ATXN2: variants seen among roughly 807,000 people sequenced by gnomAD.
ATXN2 encodes ataxin 2.
In ATXN2, 37 loss-of-function variants were observed where a neutral mutation model predicts 138.6. The observed-to-expected ratio is 0.27, with a 90% confidence interval of 0.21 to 0.35. The LOEUF (loss-of-function observed/expected upper bound fraction) is 0.35, where lower values mean the gene tolerates loss of function less well. Ranked by LOEUF, ATXN2 falls within the 10% of genes least tolerant of loss-of-function variation. The pLI is 1.00. For missense variants in ATXN2, 1,216 were observed against 1,480.3 expected, an observed-to-expected ratio of 0.82 and a Z score of 2.93; for synonymous variants, 549 against 543.7, an observed-to-expected ratio of 1.01 and a Z score of -0.13.
At chr12:111,599,660 G>C, upstream of ATXN2, 3 of 1,080,772 alleles carry the variant, frequency 2.8e-6, no homozygotes, top group Non-Finnish European at 3.4e-6. Context: ...GGCGCGCTGG[G>C]TTGCTTTCTC....
intron 1 of ATXN2, among the ~76,000 whole-genome samples, chr12:111,575,220 C>T (rs1042643336): frequency 2.6e-5 from 4 of 151,942 alleles, no homozygotes; most frequent in Admixed American, 6.6e-5. Flanking sequence ...TACCAGACTG[C>T]TGATAAGAGG....
chr12:111,599,301 A>AG lies in ATXN2; in HGVS notation c.-268dup. On this transcript the variant is annotated 5_prime_UTR_variant, in exon 1 of 25. Coordinates refer to ENST00000673436, the MANE Select transcript of ATXN2 (RefSeq NM_001372574.1). Reference sequence around the variant, plus strand: ...TTGCTACCAAAACAGTCTGAGGCGGAGGGAGGCGAGCTCTGCCGGGAGGGA... The same window carrying AG: ...TTGCTACCAAAACAGTCTGAGGCGGAGGGGAGGCGAGCTCTGCCGGGAGGGA... 2 of 876,722 alleles carry AG rather than the reference A, an allele frequency of 2.3e-6. No homozygotes were observed. The highest frequency in any genetic ancestry group is 2.6e-6 in the Non-Finnish European group (2 of 782,294). 54.3% of individuals were successfully genotyped at this position (876,722 alleles called of 1,614,324 possible).
At chr12:111,581,555 T>C in intron 1 of ATXN2, 1 of 950,988 alleles carries the variant, frequency 1.1e-6, no homozygotes, top group Non-Finnish European at 1.7e-6. Flanking sequence ...CCATGTCGTC[T>C]GGTCCCTGTT....
intron 14 of ATXN2, among the ~76,000 whole-genome samples, chr12:111,497,190 A>C (rs771717166): frequency 7.6e-4 from 116 of 152,302 alleles, no homozygotes; most frequent in Non-Finnish European, 8.7e-4. Context: ...ATACAATAAC[A>C]AGTAACGAGA....
chr12:111,589,023 A>AAAAAAC (rs1884503950), intron 1 of ATXN2, among the ~76,000 whole-genome samples: 1 of 140,604 alleles, frequency 7.1e-6, no homozygotes, highest in Non-Finnish European at 1.5e-5. Context: ...AAAAAAAAAA[A>AAAAAAC]ACTAAACCAA....
At chr12:111,484,789 G>A (rs1288599564) in intron 18 of ATXN2, among the ~76,000 whole-genome samples, 1 of 152,112 alleles carries the variant, frequency 6.6e-6, no homozygotes, top group Admixed American at 6.5e-5. Context: ...GGAGGGCAGT[G>A]GCATAATCAC....
At chr12:111,510,641 G>C in intron 11 of ATXN2, 59 bp from the exon 12 acceptor site, 1 of 1,454,552 alleles carries the variant, frequency 6.9e-7, no homozygotes, top group African/African-American at 1.4e-5. Flanking sequence ...CTTCCTAAAA[G>C]AGGCTTCAGG....
chr12:111,569,336 G>A (rs538709716), intron 1 of ATXN2, among the ~76,000 whole-genome samples: 5 of 152,196 alleles, frequency 3.3e-5, no homozygotes, highest in East Asian at 1.9e-4. Context: ...CATACAGATC[G>A]CATAGCTTAA....
At chr12:111,495,362 C>G (rs1878351631) in intron 14 of ATXN2, among the ~76,000 whole-genome samples, 1 of 149,058 alleles carries the variant, frequency 6.7e-6, no homozygotes. Context: ...ACACACTTTA[C>G]CTATAAAATC....
chr12:111,465,210 T>C (rs1322473007), intron 20 of ATXN2, among the ~76,000 whole-genome samples: 1 of 152,116 alleles, frequency 6.6e-6, no homozygotes, highest in East Asian at 1.9e-4. Context: ...GGTAGGGTAT[T>C]TGAGTGTATT....
intron 1 of ATXN2, among the ~76,000 whole-genome samples, chr12:111,585,862 G>T (rs1362204375): frequency 7.1e-6 from 1 of 141,466 alleles, no homozygotes; most frequent in Non-Finnish European, 1.5e-5. Context: ...TTGAGCTCTT[G>T]TGTCTGTTTT....
At position 111,494,164 on chromosome 12, in the gene ATXN2, A is replaced by G. The variant is rs543170526; in HGVS notation, c.1936-5384T>C. On this transcript the variant is annotated intron_variant, in intron 14 of 24. Coordinates refer to ENST00000673436, the MANE Select transcript of ATXN2 (RefSeq NM_001372574.1). ...AGGCTGGTCTCGAACTCCTGACCTTAGGTGATCCGCCCACCTCAGCCTCCC... is the reference window on the plus strand; with the variant it reads ...AGGCTGGTCTCGAACTCCTGACCTTGGGTGATCCGCCCACCTCAGCCTCCC... Among the ~76,000 whole-genome samples the G allele has an allele frequency of 6.6e-5, 10 of 151,916 alleles. No individual in the cohort carries two copies. The East Asian group carries it at 1.9e-3, about 30-fold the overall frequency.
chr12:111,583,464 G>A (rs1884125041), intron 1 of ATXN2, among the ~76,000 whole-genome samples: 1 of 151,686 alleles, frequency 6.6e-6, no homozygotes, highest in South Asian at 2.1e-4. Context: ...TTAAATTTTA[G>A]TTACTGAAGA....
At chr12:111,535,294 G>A (rs1047560593) in intron 5 of ATXN2, among the ~76,000 whole-genome samples, 2 of 152,152 alleles carry the variant, frequency 1.3e-5, no homozygotes, top group African/African-American at 4.8e-5. Flanking sequence ...AGTTAGTAAG[G>A]TAGATTCTTC....
At chr12:111,466,864 T>C (rs1232876795) in intron 20 of ATXN2, among the ~76,000 whole-genome samples, 1 of 152,070 alleles carries the variant, frequency 6.6e-6, no homozygotes, top group Admixed American at 6.6e-5. Flanking sequence ...GCACAATTCA[T>C]ACTCAAAGTA....
intron 1 of ATXN2, among the ~76,000 whole-genome samples, chr12:111,565,649 G>A (rs902618071): frequency 6.6e-6 from 1 of 152,056 alleles, no homozygotes; most frequent in African/African-American, 2.4e-5. Context: ...CAGTCAGCTT[G>A]TCTCTCTTTC....
chr12:111,472,128 G>T (rs575589715), intron 18 of ATXN2, among the ~76,000 whole-genome samples: 1 of 152,244 alleles, frequency 6.6e-6, no homozygotes, highest in Non-Finnish European at 1.5e-5. Flanking sequence ...TTAGCCAGCT[G>T]CGGTGCTGTG....
At chr12:111,594,293 C>T (rs1286965911) in intron 1 of ATXN2, among the ~76,000 whole-genome samples, 1 of 152,086 alleles carries the variant, frequency 6.6e-6, no homozygotes, top group Admixed American at 6.6e-5. Flanking sequence ...AACAGTCTCA[C>T]TGAAATTTAA....
intron 14 of ATXN2, among the ~76,000 whole-genome samples, chr12:111,497,028 CATT>C (rs1878460740): frequency 6.6e-6 from 1 of 151,838 alleles, no homozygotes; most frequent in South Asian, 2.1e-4. Flanking sequence ...AAAAAGGAGA[CATT>C]ATAATTGTTA....
Sources: gnomAD v4.1 joint callset for allele counts (sites outside exome capture counted in the v4.1 genomes callset) on GRCh38, gnomAD v4.1.1 for gene constraint, MANE v1.5 for transcripts, NCBI Gene and HGNC (gene_info 2026-07-23, HGNC 2026-07-21) for gene names.